COL11A1: variants seen among roughly 807,000 people sequenced by gnomAD.
COL11A1 encodes the protein collagen type XI alpha 1 chain.
COL11A1 carries 74 observed loss-of-function variants against 265.2 expected under a neutral mutation model. The ratio of observed to expected loss-of-function variants is 0.28; its 90% CI spans 0.23 to 0.34. The LOEUF (loss-of-function observed/expected upper bound fraction) is 0.34. Ranked by LOEUF, COL11A1 falls within the 10% of genes least tolerant of loss-of-function variation. COL11A1 has a pLI of 1.00. For synonymous variants in COL11A1, 816 were observed against 727.6 expected (o/e 1.12, Z -1.96); for missense variants, 2,165 against 2,263.6 (o/e 0.96, Z 0.88).
intron 4 of COL11A1, among the ~76,000 whole-genome samples, chr1:103,041,381 T>A (rs1018937237): frequency 2.8e-4 from 42 of 151,948 alleles, no homozygotes; most frequent in African/African-American, 1.0e-3. Flanking sequence ...ATCATCCTTT[T>A]TTTTTGGTGC....
chr1:102,878,697 T>C (rs1649852107), intron 66 of COL11A1, among the ~76,000 whole-genome samples: 1 of 151,108 alleles, frequency 6.6e-6, no homozygotes, highest in Non-Finnish European at 1.5e-5. Context: ...TTTTAGTAGA[T>C]GAGGTTTCAC....
At chr1:103,079,588 C>T (rs1281238322) in intron 2 of COL11A1, among the ~76,000 whole-genome samples, 2 of 151,898 alleles carry the variant, frequency 1.3e-5, no homozygotes, top group Non-Finnish European at 2.9e-5. Context: ...AAGTATATCT[C>T]AAATAATTAA....
At chr1:102,902,705 A>G (rs1653366206) in intron 54 of COL11A1, among the ~76,000 whole-genome samples, 1 of 151,730 alleles carries the variant, frequency 6.6e-6, no homozygotes, top group African/African-American at 2.4e-5. Context: ...TTATTTTATT[A>G]TTACAATGTA....
chr1:102,919,485 A>T (rs914262552), intron 49 of COL11A1, among the ~76,000 whole-genome samples: 1 of 151,996 alleles, frequency 6.6e-6, no homozygotes, highest in African/African-American at 2.4e-5. Context: ...TACACTGCAG[A>T]TATCCTTTAA....
At chr1:102,935,185 T>G (rs1658019183) in intron 44 of COL11A1, 72 bp from the exon 45 acceptor site, 1 of 1,278,956 alleles carries the variant, frequency 7.8e-7, no homozygotes, top group African/African-American at 1.5e-5. Context: ...AACAGAACAT[T>G]TAGCCTACCA....
intron 6 of COL11A1, chr1:103,025,876 G>T (rs559331475): frequency 6.2e-7 from 1 of 1,613,030 alleles, no homozygotes; most frequent in Non-Finnish European, 8.5e-7. Context: ...AGATTTGGGG[G>T]GTGTAAACTT....
chr1:103,048,150 A>G (rs1162729822), intron 4 of COL11A1, among the ~76,000 whole-genome samples: 1 of 152,050 alleles, frequency 6.6e-6, no homozygotes, highest in Non-Finnish European at 1.5e-5. Context: ...CTCTTTTTCT[A>G]TTGATTGGAA....
At chr1:103,065,215 T>C (rs999887215) in intron 4 of COL11A1, among the ~76,000 whole-genome samples, 8 of 151,964 alleles carry the variant, frequency 5.3e-5, no homozygotes, top group Non-Finnish European at 1.0e-4. Flanking sequence ...AAATAAAGAT[T>C]GTTTATTAAC....
At chr1:103,088,833 C>A (rs1397427920) in intron 1 of COL11A1, among the ~76,000 whole-genome samples, 1 of 152,200 alleles carries the variant, frequency 6.6e-6, no homozygotes. Flanking sequence ...CCCAAGGAGA[C>A]ATGGACACGG....
chr1:103,068,964 A>G (rs12132053), intron 4 of COL11A1, among the ~76,000 whole-genome samples: 20,818 of 151,548 alleles, frequency 0.14, 1,586 homozygotes, highest in Non-Finnish European at 0.16. Flanking sequence ...GGAAATAGAA[A>G]ACTCCATGAT....
At position 102,877,930 on chromosome 1, in the gene COL11A1, T is replaced by A. The variant is rs1240875711; in HGVS notation, c.*89A>T. ...ATATGCAGCGTTGTTTTCTATACCA[T>A]CCTTATTCAAAACTTGCATGTGGCA... is the stretch of plus-strand genomic sequence containing the variant. On this transcript the variant is annotated 3_prime_UTR_variant, in exon 67 of 67. Coordinates refer to ENST00000370096, the MANE Select transcript of COL11A1 (RefSeq NM_001854.4). 14 of 1,366,986 alleles carry A rather than the reference T, an allele frequency of 1.0e-5. No homozygotes were observed. The highest frequency in any genetic ancestry group is 1.5e-5 in the Non-Finnish European group (14 of 957,278). The allele number at this position is 1,366,986 out of a possible 1,614,324, so 84.7% of individuals were successfully genotyped here.
At chr1:102,960,173 A>G (rs979916834) in intron 41 of COL11A1, among the ~76,000 whole-genome samples, 1 of 152,152 alleles carries the variant, frequency 6.6e-6, no homozygotes, top group Non-Finnish European at 1.5e-5. Flanking sequence ...TCTTTGCCAC[A>G]TTTCCATAAT....
chr1:103,021,785 T>A lies in COL11A1; in HGVS notation c.1246-16A>T, dbSNP rs1240690732. ...GGCCATTTATCTGTTGAATGAAATA[T>A]TCAAAACAGCCTAAATGTCTGTAAG... On this transcript the variant is annotated splice_polypyrimidine_tract_variant and intron_variant, in intron 8 of 66. Coordinates refer to ENST00000370096, the MANE Select transcript of COL11A1 (RefSeq NM_001854.4). The A allele has an allele frequency of 6.4e-7, 1 of 1,564,622 alleles. No homozygotes were observed. Among genetic ancestry groups the A allele is most frequent in the Non-Finnish European group, 8.8e-7 (1 of 1,134,958 alleles).
intron 11 of COL11A1, 150 bp downstream of exon 11, chr1:103,017,670 T>C: frequency 2.9e-6 from 2 of 691,224 alleles, no homozygotes; most frequent in Non-Finnish European, 5.3e-6. Flanking sequence ...ATTTAAAATG[T>C]TAACTAAAAT....
At chr1:103,069,892 AGACT>A (rs747118769) in intron 4 of COL11A1, among the ~76,000 whole-genome samples, 3 of 151,966 alleles carry the variant, frequency 2.0e-5, no homozygotes, top group Non-Finnish European at 2.9e-5. Context: ...AAAATGAAAA[AGACT>A]GAGCATATCA....
intron 14 of COL11A1, among the ~76,000 whole-genome samples, chr1:103,011,244 CATT>C (rs1337463508): frequency 6.6e-6 from 1 of 151,918 alleles, no homozygotes; most frequent in Non-Finnish European, 1.5e-5. Context: ...AAATTTGAGT[CATT>C]AACAAATAAT....
Position 103,015,661 on chromosome 1 carries a change from A to C in COL11A1, c.1488+7T>G. 6.3e-7 allele frequency: 1 copy of C among 1,598,194 alleles called. No homozygotes were observed. Among genetic ancestry groups the C allele is most frequent in the South Asian group, 1.1e-5 (1 of 89,494 alleles). ...AAGTCATCTCTATAACATAAAAAAG[A>C]ACATACCGGTAACATCAACATAGTA... On this transcript the variant is annotated splice_region_variant and intron_variant, in intron 12 of 66. Coordinates refer to ENST00000370096, the MANE Select transcript of COL11A1 (RefSeq NM_001854.4).
At chr1:103,104,355 G>T (rs1406930129) in intron 1 of COL11A1, among the ~76,000 whole-genome samples, 2 of 152,060 alleles carry the variant, frequency 1.3e-5, no homozygotes, top group East Asian at 3.8e-4. Flanking sequence ...GAAAAGAGAT[G>T]TTTGCTTTGC....
intron 8 of COL11A1, among the ~76,000 whole-genome samples, chr1:103,022,478 T>C (rs1667173235): frequency 6.6e-6 from 1 of 152,340 alleles, no homozygotes; most frequent in South Asian, 2.1e-4. Context: ...TATGGTTTAA[T>C]CTTATCAATG....
Sources: allele counts gnomAD v4.1 joint callset (sites outside exome capture counted in the v4.1 genomes callset), GRCh38; gene constraint gnomAD v4.1.1; transcripts MANE v1.5; gene names NCBI Gene and HGNC (gene_info 2026-07-23, HGNC 2026-07-21).